The following SHB variants were observed in gnomAD, a reference collection of about 807,000 sequenced individuals.
SHB encodes the protein SH2 domain-containing adapter protein B.
SHB carries 20 observed loss-of-function variants against 52.3 expected under a neutral mutation model. The observed-to-expected ratio is 0.38, with a 90% CI of 0.27 to 0.56. The LOEUF (loss-of-function observed/expected upper bound fraction) is 0.56, where lower values mean the gene tolerates loss of function less well. SHB is among the 20% of genes least tolerant of loss of function. SHB has a pLI of 0.71. For synonymous variants in SHB, 397 were observed against 316.5 expected, an observed-to-expected ratio of 1.25 and a Z score of -2.70; for missense variants, 825 against 723.3, an observed-to-expected ratio of 1.14 and a Z score of -1.61.
intron 1 of SHB, among the ~76,000 whole-genome samples, chr9:38,017,511 C>G (rs189365991): frequency 1.3e-5 from 2 of 152,194 alleles, no homozygotes; most frequent in Non-Finnish European, 2.9e-5. Flanking sequence ...AATGTGATGC[C>G]CGGAAAGGGA....
intron 4 of SHB, among the ~76,000 whole-genome samples, chr9:37,952,756 GAACC>G (rs58942014): frequency 0.073 from 11,064 of 152,166 alleles, 467 homozygotes; most frequent in South Asian, 0.11. Context: ...TTTGTGGCTT[GAACC>G]ATAACTAGTT....
At chr9:37,947,035 A>G (rs1832500304) in intron 5 of SHB, among the ~76,000 whole-genome samples, 1 of 152,138 alleles carries the variant, frequency 6.6e-6, no homozygotes, top group African/African-American at 2.4e-5. Context: ...TCCTCTCCTC[A>G]GTCCAATTCC....
chr9:37,984,153 C>T (rs868830899), intron 2 of SHB, among the ~76,000 whole-genome samples: 11 of 152,154 alleles, frequency 7.2e-5, no homozygotes, highest in Non-Finnish European at 1.0e-4. Context: ...TGAATATTGC[C>T]ATTTCAACGA....
At chr9:37,963,945 G>C (rs555869283) in intron 3 of SHB, among the ~76,000 whole-genome samples, 4 of 152,278 alleles carry the variant, frequency 2.6e-5, no homozygotes, top group African/African-American at 9.6e-5. Flanking sequence ...TCCCAAACAA[G>C]TATGAGAATT....
chr9:37,923,452 C>G (rs954173359), intron 5 of SHB, among the ~76,000 whole-genome samples: 2 of 152,184 alleles, frequency 1.3e-5, no homozygotes, highest in Non-Finnish European at 2.9e-5. Flanking sequence ...GACCGCCCCC[C>G]CAGGGGTCCG....
chr9:37,940,157 C>T (rs1173644901), intron 5 of SHB, among the ~76,000 whole-genome samples: 19 of 152,222 alleles, frequency 1.2e-4, no homozygotes, highest in Admixed American at 8.5e-4. Flanking sequence ...TGTTCCTACA[C>T]TCTCCACCCC....
At chr9:37,925,357 T>C (rs1255572241) in intron 5 of SHB, among the ~76,000 whole-genome samples, 2 of 152,232 alleles carry the variant, frequency 1.3e-5, no homozygotes, top group African/African-American at 4.8e-5. Context: ...CAGTGAGAAC[T>C]GGCAGAGTGG....
chr9:37,939,470 A>G (rs778958010), intron 5 of SHB, among the ~76,000 whole-genome samples: 15 of 152,220 alleles, frequency 9.9e-5, no homozygotes, highest in Non-Finnish European at 1.8e-4. Flanking sequence ...AGAAGAAACT[A>G]GACTCTTCTA....
chr9:38,046,580 A>C (rs538118137), intron 1 of SHB, among the ~76,000 whole-genome samples: 121 of 152,300 alleles, frequency 7.9e-4, no homozygotes, highest in Non-Finnish European at 1.4e-3. Context: ...ATTTCTAGAA[A>C]CTGCCCACGG....
chr9:38,045,985 G>C (rs1466739589), intron 1 of SHB, among the ~76,000 whole-genome samples: 4 of 152,138 alleles, frequency 2.6e-5, no homozygotes, highest in African/African-American at 9.7e-5. Flanking sequence ...CTAGCACTTT[G>C]GGAGGCAGAG....
intron 2 of SHB, among the ~76,000 whole-genome samples, chr9:37,982,155 T>C (rs1405803146): frequency 1.3e-5 from 2 of 151,716 alleles, no homozygotes; most frequent in Non-Finnish European, 2.9e-5. Flanking sequence ...TAAAATGAAG[T>C]ATGCCTAAAC....
At chr9:37,999,100 C>T (rs1021097295) in intron 2 of SHB, among the ~76,000 whole-genome samples, 2 of 152,186 alleles carry the variant, frequency 1.3e-5, no homozygotes, top group Non-Finnish European at 2.9e-5. Context: ...TGATGGGGTG[C>T]TGCTGGACCC....
At chr9:38,032,260 G>T (rs1320244177) in intron 1 of SHB, among the ~76,000 whole-genome samples, 1 of 152,164 alleles carries the variant, frequency 6.6e-6, no homozygotes, top group African/African-American at 2.4e-5. Context: ...CTCATTTTCA[G>T]ATGAGAAAAC....
At chr9:38,010,674 TC>T (rs1177005517) in intron 2 of SHB, among the ~76,000 whole-genome samples, 1 of 152,208 alleles carries the variant, frequency 6.6e-6, no homozygotes, top group Non-Finnish European at 1.5e-5. Flanking sequence ...CATGCTCATC[TC>T]AGTGCACCCA....
At chr9:38,051,608 G>A (rs1323631156) in intron 1 of SHB, among the ~76,000 whole-genome samples, 4 of 152,218 alleles carry the variant, frequency 2.6e-5, no homozygotes, top group Admixed American at 6.5e-5. Context: ...TGTGGGTGAT[G>A]AGGAAGTGAT....
At chr9:38,060,333 C>G (rs1043501411) in intron 1 of SHB, among the ~76,000 whole-genome samples, 2 of 152,152 alleles carry the variant, frequency 1.3e-5, no homozygotes, top group Non-Finnish European at 1.5e-5. Flanking sequence ...TGCCAACACG[C>G]CGAGCTAATT....
chr9:37,974,384 T>C (rs1284231500), intron 3 of SHB, among the ~76,000 whole-genome samples: 4 of 152,158 alleles, frequency 2.6e-5, no homozygotes, highest in Non-Finnish European at 4.4e-5. Context: ...CTTTAAAGTG[T>C]GGAGGCTGGA....
At chr9:37,955,789 A>G (rs1169395202) in intron 4 of SHB, 94 bp downstream of exon 4, 8 of 1,258,982 alleles carry the variant, frequency 6.4e-6, no homozygotes, top group Admixed American at 2.1e-5. Context: ...CGCCCGGCCC[A>G]GTCTGTGGAT....
intron 2 of SHB, among the ~76,000 whole-genome samples, chr9:38,009,730 C>G (rs1821114790): frequency 1.3e-5 from 2 of 152,352 alleles, no homozygotes; most frequent in African/African-American, 4.8e-5. Flanking sequence ...CTGGCTTCAT[C>G]TGGACGGTGC....
Sources: gnomAD v4.1 joint callset for allele counts (sites outside exome capture counted in the v4.1 genomes callset) on GRCh38, gnomAD v4.1.1 for gene constraint, MANE v1.5 for transcripts, NCBI Gene and HGNC (gene_info 2026-07-23, HGNC 2026-07-21) for gene names.